The following RAI14 variants were observed in gnomAD, a reference collection of about 807,000 sequenced individuals.
The protein encoded by RAI14 is retinoic acid induced 14.
RAI14 carries 45 observed loss-of-function variants against 115.4 expected under a neutral mutation model. The ratio of observed to expected loss-of-function variants is 0.39; its 90% CI spans 0.31 to 0.50. The LOEUF (loss-of-function observed/expected upper bound fraction) is 0.50. RAI14 is among the 20% of genes least tolerant of loss of function. The pLI, the probability that RAI14 is intolerant of heterozygous loss-of-function variation, is 0.85. For missense variants in RAI14, 939 were observed against 1,131.2 expected (o/e 0.83, Z 2.44); for synonymous variants, 371 against 415.4 (o/e 0.89, Z 1.30).
At chr5:34,702,006 G>T (rs1156433926) in intron 2 of RAI14, among the ~76,000 whole-genome samples, 1 of 151,978 alleles carries the variant, frequency 6.6e-6, no homozygotes, top group Non-Finnish European at 1.5e-5. Context: ...TAGAGACAGG[G>T]TTTCACCATG....
chr5:34,692,638 T>TA (rs1561244433), intron 2 of RAI14, among the ~76,000 whole-genome samples: 1 of 151,798 alleles, frequency 6.6e-6, no homozygotes, highest in African/African-American at 2.4e-5. Context: ...GACATAATTT[T>TA]AAAAAAATCA....
chr5:34,757,440 G>C (rs372589639), intron 2 of RAI14, 28 bp from the exon 3 acceptor site: 2 of 1,610,878 alleles, frequency 1.2e-6, no homozygotes, highest in African/African-American at 2.7e-5. Context: ...TGTTGTTCAT[G>C]ACCTCTGTTT....
chr5:34,799,889 G>A (rs1341899302), intron 4 of RAI14, among the ~76,000 whole-genome samples: 2 of 151,910 alleles, frequency 1.3e-5, no homozygotes, highest in Non-Finnish European at 2.9e-5. Context: ...GGGTTTCACC[G>A]TGTTAGCCAG....
At position 34,821,803 on chromosome 5, in the gene RAI14, G is replaced by A. The variant is rs139071931; in HGVS notation, c.1066G>A (p.Val356Ile). The change falls in exon 14 of 18, where the codon GTT (valine) becomes ATT (isoleucine). Residue 356 changes from valine (V) to isoleucine (I), a missense_variant. Physicochemically the swap from Val to Ile is conservative, Grantham distance 29 (BLOSUM62 3). Transcript: ENST00000265109. ...TCTTCTCTCTCTATTGCAAGCAAAA[G>A]TTGCTTCCCTTACCTTACACAATAA... Reference protein sequence around the residue: ...QDLLSLLQAKVASLTLHNKEL... With the variant: ...QDLLSLLQAKIASLTLHNKEL... 15 of 1,611,916 alleles carry A rather than the reference G, an allele frequency of 9.3e-6. No individual in the cohort carries two copies. The highest frequency in any genetic ancestry group is 1.3e-5 in the Non-Finnish European group (15 of 1,178,626).
intron 14 of RAI14, among the ~76,000 whole-genome samples, chr5:34,822,215 A>C (rs1756907993): frequency 6.9e-6 from 1 of 144,210 alleles, no homozygotes. Context: ...ATATATTAAA[A>C]TTTTACGTTT....
intron 16 of RAI14, among the ~76,000 whole-genome samples, chr5:34,826,753 CCTAA>C (rs1330272530): frequency 6.6e-6 from 1 of 152,094 alleles, no homozygotes; most frequent in Admixed American, 6.6e-5. Context: ...TCACTCATAC[CCTAA>C]CTTTTTACCC....
chr5:34,799,503 C>G (rs1025267521), intron 4 of RAI14, among the ~76,000 whole-genome samples: 5 of 59,606 alleles, frequency 8.4e-5, no homozygotes, highest in African/African-American at 2.2e-4. Flanking sequence ...GACACACACA[C>G]ACACACACAC....
intron 2 of RAI14, among the ~76,000 whole-genome samples, chr5:34,746,642 G>A (rs1309776623): frequency 1.3e-5 from 2 of 150,130 alleles, no homozygotes; most frequent in Non-Finnish European, 3.0e-5. Context: ...TGACCTCAAG[G>A]GATCTGCCCG....
intron 2 of RAI14, among the ~76,000 whole-genome samples, chr5:34,737,724 A>C (rs1249805891): frequency 6.6e-6 from 1 of 152,178 alleles, no homozygotes; most frequent in African/African-American, 2.4e-5. Context: ...CCACCACTGC[A>C]CTCCAGCCTG....
chr5:34,683,857 G>A (rs907857269), intron 1 of RAI14, among the ~76,000 whole-genome samples: 37 of 152,078 alleles, frequency 2.4e-4, no homozygotes, highest in African/African-American at 7.7e-4. Context: ...CCTCCCGAGT[G>A]GCTGGGACTA....
intron 2 of RAI14, among the ~76,000 whole-genome samples, chr5:34,747,354 C>T (rs1056053396): frequency 6.6e-6 from 1 of 152,160 alleles, no homozygotes; most frequent in Non-Finnish European, 1.5e-5. Context: ...TAATGGTATC[C>T]TCTTTGGGCT....
At chr5:34,710,491 C>A (rs1579986231) in intron 2 of RAI14, among the ~76,000 whole-genome samples, 2 of 152,310 alleles carry the variant, frequency 1.3e-5, no homozygotes, top group African/African-American at 4.8e-5. Flanking sequence ...ATGCCTCTTG[C>A]TTCTCAAGGC....
intron 2 of RAI14, among the ~76,000 whole-genome samples, chr5:34,689,405 AAAAAAC>A: frequency 6.6e-6 from 1 of 152,098 alleles, no homozygotes; most frequent in East Asian, 1.9e-4. Flanking sequence ...GCCCTGTCTC[AAAAAAC>A]AAAAACAAAC....
At chr5:34,778,972 C>A (rs1751259961) in intron 3 of RAI14, among the ~76,000 whole-genome samples, 2 of 152,026 alleles carry the variant, frequency 1.3e-5, no homozygotes, top group Admixed American at 6.6e-5. Context: ...CAAAAATCCT[C>A]AGTAAAATAC....
intron 3 of RAI14, among the ~76,000 whole-genome samples, chr5:34,783,324 G>A (rs575015552): frequency 3.1e-4 from 47 of 152,278 alleles, no homozygotes; most frequent in African/African-American, 9.1e-4. Flanking sequence ...CCTCCTCAGC[G>A]TCAGTCTTGA....
At chr5:34,769,288 G>A (rs541057975) in intron 3 of RAI14, among the ~76,000 whole-genome samples, 66 of 152,240 alleles carry the variant, frequency 4.3e-4, no homozygotes, top group African/African-American at 1.4e-3. Flanking sequence ...TGAAATCACT[G>A]AAAGCCGGGC....
At position 34,721,305 on chromosome 5, in the gene RAI14, A is replaced by C. The variant is rs902597754; in HGVS notation, c.36+34350A>C. ...GATGTAGATGTGTATATATATATAT[A>C]TATATATATATATATATATAGATGT... is the stretch of plus-strand genomic sequence containing the variant. On this transcript the variant is annotated intron_variant, in intron 2 of 17. Transcript: ENST00000265109. Among the ~76,000 whole-genome samples the C allele has an allele frequency of 1.4e-5, 2 of 141,504 alleles. 1 individual carries two copies. Among genetic ancestry groups the C allele is most frequent in the Non-Finnish European group, 3.0e-5 (2 of 66,132 alleles). The allele number at this position is 141,504 out of a possible 152,430, so 92.8% of individuals were successfully genotyped here.
At chr5:34,796,097 C>T (rs1753497119) in intron 4 of RAI14, 70 bp downstream of exon 4, 1 of 1,286,454 alleles carries the variant, frequency 7.8e-7, no homozygotes, top group Non-Finnish European at 1.1e-6. Flanking sequence ...AATACATATT[C>T]ATTATGGAAA....
chr5:34,823,842 C>G lies in RAI14; in HGVS notation c.2000C>G (p.Ser667Cys), dbSNP rs1757165823. 6.2e-7 allele frequency: 1 copy of G among 1,614,140 alleles called. No homozygotes were observed. Among genetic ancestry groups the G allele is most frequent in the Non-Finnish European group, 8.5e-7 (1 of 1,180,012 alleles). Residue 667 changes from serine to cysteine, a missense_variant, in exon 15 of 18, where the codon TCT (serine) becomes TGT (cysteine). Transcript: ENST00000265109. The surrounding 1 kb of genome is among the most constrained non-coding windows in gnomAD (Gnocchi z 4.5). ...AELEDYRKRKSLEDVTAEYIH... is the reference protein window; with the variant it reads ...AELEDYRKRKCLEDVTAEYIH... ...CTGGAGGATTACAGGAAGAGGAAATCTCTAGAGGATGTCACAGCTGAATAT... is the reference window on the plus strand; with the variant it reads ...CTGGAGGATTACAGGAAGAGGAAATGTCTAGAGGATGTCACAGCTGAATAT...
Sources: gnomAD v4.1 joint callset for allele counts (sites outside exome capture counted in the v4.1 genomes callset) on GRCh38, gnomAD v4.1.1 for gene constraint, Gnocchi (gnomAD v3.1) non-coding constraint, MANE v1.5 for transcripts, NCBI Gene and HGNC (gene_info 2026-07-23, HGNC 2026-07-21) for gene names.